Variants in DNAH8 observed in about 807,000 individuals in gnomAD.
The protein encoded by DNAH8 is dynein axonemal heavy chain 8.
DNAH8 carries 382 observed loss-of-function variants against 562.1 expected under a neutral mutation model. The observed-to-expected ratio is 0.68, with a 90% CI of 0.63 to 0.74. The LOEUF (loss-of-function observed/expected upper bound fraction) is 0.74. Ranked by LOEUF, DNAH8 falls within the 30% of genes least tolerant of loss-of-function variation. DNAH8 has a pLI of 0.00. For missense variants in DNAH8, 5,203 were observed against 5,620.4 expected (o/e 0.93, Z 2.37); for synonymous variants, 1,881 against 1,919.4 (o/e 0.98, Z 0.52).
At chr6:38,912,300 A>G (rs559779234) in intron 66 of DNAH8, among the ~76,000 whole-genome samples, 1 of 152,038 alleles carries the variant, frequency 6.6e-6, no homozygotes, top group Non-Finnish European at 1.5e-5. Context: ...CTGTCTCTAC[A>G]AAAATATAAA....
At chr6:38,987,322 C>G (rs1256399235) in intron 87 of DNAH8, among the ~76,000 whole-genome samples, 1 of 152,180 alleles carries the variant, frequency 6.6e-6, no homozygotes, top group African/African-American at 2.4e-5. Flanking sequence ...TCTACTTCTT[C>G]CCTGTACCCT....
At chr6:38,725,336 T>TAATAATAATAATAATAATAAA (rs1283259746) in intron 3 of DNAH8, among the ~76,000 whole-genome samples, 2 of 148,964 alleles carry the variant, frequency 1.3e-5, no homozygotes, top group African/African-American at 4.9e-5. Context: ...ATAATAATAA[T>TAATAATAATAATAATAATAAA]AAAGAGCTAC....
At chr6:38,787,081 C>A in intron 18 of DNAH8, 129 bp downstream of exon 18, 1 of 452,628 alleles carries the variant, frequency 2.2e-6, no homozygotes, top group Non-Finnish European at 3.6e-6. Flanking sequence ...TATGTTGATT[C>A]TTGATAGAAT....
At chr6:38,974,983 C>A (rs1763581370) in intron 85 of DNAH8, among the ~76,000 whole-genome samples, 1 of 152,204 alleles carries the variant, frequency 6.6e-6, no homozygotes, top group African/African-American at 2.4e-5. Flanking sequence ...ATGTTAAGTA[C>A]TCTTCAAATG....
chr6:38,971,198 C>A (rs542065546), intron 82 of DNAH8, among the ~76,000 whole-genome samples: 2 of 152,262 alleles, frequency 1.3e-5, no homozygotes, highest in East Asian at 3.9e-4. Flanking sequence ...GCTAAAACGC[C>A]GAAAAGGATT....
At chr6:38,774,053 A>G (rs1207250999) in intron 12 of DNAH8, among the ~76,000 whole-genome samples, 4 of 152,154 alleles carry the variant, frequency 2.6e-5, no homozygotes, top group African/African-American at 7.2e-5. Flanking sequence ...ACATCTTTTT[A>G]TGGCAGGTAT....
At chr6:39,017,589 C>G (rs1372351849) in intron 91 of DNAH8, among the ~76,000 whole-genome samples, 4 of 152,162 alleles carry the variant, frequency 2.6e-5, no homozygotes, top group African/African-American at 7.2e-5. Context: ...ACGTTTAGCT[C>G]AATCTGGAGC....
At chr6:38,772,730 T>C (rs2127625011) in intron 12 of DNAH8, among the ~76,000 whole-genome samples, 1 of 152,236 alleles carries the variant, frequency 6.6e-6, no homozygotes, top group Non-Finnish European at 1.5e-5. Context: ...CATGTTTTTC[T>C]TTTGTTTTCT....
At position 38,873,263 on chromosome 6, in the gene DNAH8, G is replaced by C. The variant is rs1322545948; in HGVS notation, c.7507G>C (p.Glu2503Gln). 1.9e-6 allele frequency: 3 copies of C among 1,613,466 alleles called. No individual in the cohort carries two copies. Among genetic ancestry groups the C allele is most frequent in the Non-Finnish European group, 2.5e-6 (3 of 1,179,908 alleles). Residue 2503 changes from glutamate to glutamine, a missense_variant, in exon 52 of 93, where the codon GAA becomes CAA. Coordinates refer to ENST00000327475, the MANE Select transcript of DNAH8 (RefSeq NM_001206927.2). ...ATGGTTGAAGAAACGCACTGCACAG[G>C]AAGCTGCTGTATTCCTGACACTGTA... ...QAWLKKRTAQ[E>Q]AAVFLTLYEK... is the part of the protein sequence containing the mutation.
chr6:38,931,586 G>T (rs1286393528), intron 75 of DNAH8, among the ~76,000 whole-genome samples: 1 of 151,992 alleles, frequency 6.6e-6, no homozygotes, highest in Non-Finnish European at 1.5e-5. Context: ...CATTTGATTT[G>T]CTTGGTATCA....
At chr6:38,835,069 T>G (rs1774166408) in intron 32 of DNAH8, among the ~76,000 whole-genome samples, 1 of 152,212 alleles carries the variant, frequency 6.6e-6, no homozygotes, top group Non-Finnish European at 1.5e-5. Context: ...GCCTGTACAA[T>G]ACTCATTGGA....
At chr6:38,734,283 CAAA>C (rs55678363) in intron 4 of DNAH8, among the ~76,000 whole-genome samples, 188 bp from the exon 5 acceptor site, 2 of 121,662 alleles carry the variant, frequency 1.6e-5, no homozygotes, top group Non-Finnish European at 3.2e-5. Flanking sequence ...GACTCTGTCT[CAAA>C]AAAAAAAAAA....
At chr6:38,806,772 C>A (rs1438501737) in intron 23 of DNAH8, among the ~76,000 whole-genome samples, 1 of 138,946 alleles carries the variant, frequency 7.2e-6, no homozygotes, top group Non-Finnish European at 1.6e-5. Context: ...CAGAGCAAGA[C>A]TCTGTCTCAA....
intron 21 of DNAH8, among the ~76,000 whole-genome samples, chr6:38,797,928 G>A (rs940338054): frequency 6.6e-6 from 1 of 151,886 alleles, no homozygotes; most frequent in Non-Finnish European, 1.5e-5. Flanking sequence ...CCAATTCTTC[G>A]GCTTGGCTAA....
At position 38,990,944 on chromosome 6, in the gene DNAH8, TG is replaced by T. The variant is rs1764743815; in HGVS notation, c.13214+774del. ...GTCACAAGGTTTACATTCAGGAAAA[TG>T]GTTTCAGGAAGTGGAAGAAACCAAG... On this transcript the variant is annotated intron_variant, in intron 88 of 92. Coordinates refer to ENST00000327475, the MANE Select transcript of DNAH8 (RefSeq NM_001206927.2). Among the ~76,000 whole-genome samples the T allele has an allele frequency of 3.3e-5, 5 of 152,280 alleles. 1 individual carries two copies. In the South Asian group the frequency reaches 1.0e-3, roughly 32 times the overall value.
chr6:38,805,662 C>T, intron 23 of DNAH8, 66 bp downstream of exon 23: 1 of 854,368 alleles, frequency 1.2e-6, no homozygotes, highest in Admixed American at 2.6e-5. Context: ...TAGATAACCC[C>T]ATATGGTGCT....
intron 5 of DNAH8, among the ~76,000 whole-genome samples, chr6:38,735,225 T>C (rs969323282): frequency 6.6e-6 from 1 of 152,252 alleles, no homozygotes; most frequent in Admixed American, 6.5e-5. Flanking sequence ...CTTATTATAT[T>C]GCCTGACATA....
At chr6:38,942,776 G>T (rs1181450109) in intron 79 of DNAH8, among the ~76,000 whole-genome samples, 1 of 152,186 alleles carries the variant, frequency 6.6e-6, no homozygotes, top group Non-Finnish European at 1.5e-5. Flanking sequence ...AGCCTGGAGG[G>T]CAGCCTGCAT....
intron 17 of DNAH8, among the ~76,000 whole-genome samples, chr6:38,786,285 G>A (rs1386830488): frequency 6.6e-6 from 1 of 152,138 alleles, no homozygotes; most frequent in Non-Finnish European, 1.5e-5. Flanking sequence ...ATTTCTTACT[G>A]ATTTTGAGCC....
Sources: gnomAD v4.1 joint callset for allele counts (sites outside exome capture counted in the v4.1 genomes callset) on GRCh38, gnomAD v4.1.1 for gene constraint, MANE v1.5 for transcripts, NCBI Gene and HGNC (gene_info 2026-07-23, HGNC 2026-07-21) for gene names.